The following ELK3 variants were observed in gnomAD, a reference collection of about 807,000 sequenced individuals.
ELK3 encodes the protein ETS transcription factor ELK3, also known as ETS domain-containing protein Elk-3.
A neutral mutation model predicts 28.9 loss-of-function variants in ELK3; 10 were observed. The observed-to-expected ratio is 0.35, with a 90% CI of 0.21 to 0.59. The LOEUF is 0.59. Among genes scored for constraint, ELK3 ranks in the 20% least tolerant of loss-of-function variants. The pLI is 0.82. For synonymous variants in ELK3, 272 were observed against 243.5 expected (o/e 1.12, Z -1.09); for missense variants, 463 against 517.3 (o/e 0.90, Z 1.02).
intron 2 of ELK3, among the ~76,000 whole-genome samples, chr12:96,239,416 A>G (rs1419131859): frequency 1.3e-5 from 2 of 152,190 alleles, no homozygotes; most frequent in East Asian, 3.9e-4. Flanking sequence ...GGCTCTCCCA[A>G]TATTTAACCT....
intron 3 of ELK3, among the ~76,000 whole-genome samples, chr12:96,253,709 G>A (rs4762291): frequency 0.45 from 68,639 of 152,024 alleles, 16,727 homozygotes; most frequent in Middle Eastern, 0.61. Flanking sequence ...TACTTTCTTA[G>A]AGACTGAGTG....
chr12:96,221,214 A>G (rs1951659254), intron 1 of ELK3, among the ~76,000 whole-genome samples: 1 of 152,232 alleles, frequency 6.6e-6, no homozygotes, highest in Admixed American at 6.5e-5. Flanking sequence ...CTCATAAGTC[A>G]TGCCCAGAAC....
intron 3 of ELK3, 107 bp from the exon 4 acceptor site, chr12:96,259,624 G>T: frequency 7.7e-7 from 1 of 1,299,604 alleles, no homozygotes; most frequent in East Asian, 2.5e-5. Flanking sequence ...TGGTAAGGTC[G>T]TTTCCTGGCC....
chr12:96,208,979 C>T lies in ELK3; in HGVS notation c.-3+14274C>T, dbSNP rs577760702. Among the ~76,000 whole-genome samples the T allele has an allele frequency of 2.0e-5, 3 of 152,334 alleles. No homozygotes were observed. The East Asian group carries it at 5.8e-4, about 29-fold the overall frequency. On this transcript the variant is annotated intron_variant, in intron 1 of 4. Coordinates refer to ENST00000228741, the MANE Select transcript of ELK3 (RefSeq NM_005230.4). ...ACAGCTGTGCAGACTTCCCGGTCCCCAGGATCCCTTGGGGATCCTTCTGAG... is the reference window on the plus strand; with the variant it reads ...ACAGCTGTGCAGACTTCCCGGTCCCTAGGATCCCTTGGGGATCCTTCTGAG...
intron 4 of ELK3, among the ~76,000 whole-genome samples, chr12:96,263,022 A>C (rs1296068871): frequency 6.6e-6 from 1 of 152,168 alleles, no homozygotes; most frequent in African/African-American, 2.4e-5. Context: ...TACGCTATAG[A>C]TGTAATGAAG....
chr12:96,245,163 TG>T (rs1252271254), intron 2 of ELK3, among the ~76,000 whole-genome samples: 7 of 152,188 alleles, frequency 4.6e-5, no homozygotes, highest in Non-Finnish European at 1.5e-5. Context: ...GACCCTTAAA[TG>T]TGCCCTTCGC....
At position 96,262,017 on chromosome 12, in the gene ELK3, CTT is replaced by C. The variant is rs57348208; in HGVS notation, c.1125+2182_1125+2183del. The stretch of plus-strand genomic sequence containing the variant: ...GGTCTGGGATAGGGCCTGATAAAAA[CTT>C]TTTTTTTTTTTTTTTTTGAGACAGA... On this transcript the variant is annotated intron_variant, in intron 4 of 4. Coordinates refer to ENST00000228741, the MANE Select transcript of ELK3 (RefSeq NM_005230.4). Among the ~76,000 whole-genome samples, 637 of 115,606 alleles carry C rather than the reference CTT, an allele frequency of 5.5e-3. 1 individual carries two copies. Among genetic ancestry groups the C allele is most frequent in the African/African-American group, 0.011 (353 of 31,448 alleles). 75.8% of individuals were successfully genotyped at this position (115,606 alleles called of 152,430 possible). A position where few individuals can be genotyped will look rare whatever the true frequency, so the allele number is the denominator to read the frequency against.
intron 1 of ELK3, among the ~76,000 whole-genome samples, chr12:96,212,435 C>T (rs1348444473): frequency 6.6e-6 from 1 of 152,204 alleles, no homozygotes. Flanking sequence ...TAGGGACTGC[C>T]TCAGGTTGTA....
chr12:96,207,510 A>T (rs1457697390), intron 1 of ELK3, among the ~76,000 whole-genome samples: 3 of 152,382 alleles, frequency 2.0e-5, no homozygotes, highest in African/African-American at 7.2e-5. Flanking sequence ...AGATTTATGT[A>T]TAAATGTTTA....
chr12:96,241,423 C>T (rs952140019), intron 2 of ELK3, among the ~76,000 whole-genome samples: 8 of 103,720 alleles, frequency 7.7e-5, no homozygotes, highest in African/African-American at 2.7e-4. Flanking sequence ...CACAGTGGAG[C>T]GTTTGTGTGT....
intron 3 of ELK3, 60 bp from the exon 4 acceptor site, chr12:96,259,668 CTGT>C: frequency 6.5e-7 from 1 of 1,545,356 alleles, no homozygotes; most frequent in Non-Finnish European, 8.8e-7. Flanking sequence ...CTCTGCTGCT[CTGT>C]TGATCATGGC....
intron 1 of ELK3, among the ~76,000 whole-genome samples, chr12:96,214,774 C>A (rs1452538182): frequency 6.6e-6 from 1 of 151,980 alleles, no homozygotes; most frequent in Non-Finnish European, 1.5e-5. Flanking sequence ...TAATACCTTA[C>A]ACTTACTCTG....
chr12:96,251,094 C>G (rs1951901857), intron 3 of ELK3, among the ~76,000 whole-genome samples: 1 of 152,218 alleles, frequency 6.6e-6, no homozygotes, highest in South Asian at 2.1e-4. Context: ...CCAGTCTGTT[C>G]TTCCAACAGC....
intron 1 of ELK3, among the ~76,000 whole-genome samples, chr12:96,202,568 C>G (rs940804908): frequency 1.3e-5 from 2 of 148,184 alleles, no homozygotes; most frequent in South Asian, 4.3e-4. Flanking sequence ...AGCCTGTTGC[C>G]CAGGCTGGAG....
chr12:96,214,203 G>T (rs1951594914), intron 1 of ELK3, among the ~76,000 whole-genome samples: 1 of 151,996 alleles, frequency 6.6e-6, no homozygotes, highest in Non-Finnish European at 1.5e-5. Flanking sequence ...GGCCGAGGTG[G>T]GTGGATCACC....
intron 1 of ELK3, among the ~76,000 whole-genome samples, chr12:96,215,964 A>G (rs1951614302): frequency 6.6e-6 from 1 of 152,176 alleles, no homozygotes; most frequent in Non-Finnish European, 1.5e-5. Flanking sequence ...GCATTCTTTA[A>G]GTGCAAAAAG....
intron 4 of ELK3, among the ~76,000 whole-genome samples, chr12:96,265,605 G>T (rs1007442765): frequency 1.4e-4 from 22 of 152,256 alleles, no homozygotes; most frequent in African/African-American, 5.1e-4. Flanking sequence ...AGGATGGCTG[G>T]GAGGTGGAGG....
At chr12:96,202,516 C>T (rs1951513748) in intron 1 of ELK3, among the ~76,000 whole-genome samples, 1 of 143,136 alleles carries the variant, frequency 7.0e-6, no homozygotes, top group Non-Finnish European at 1.5e-5. Flanking sequence ...AGAGCCCTTA[C>T]CACAAGCTTT....
In ELK3 at chr12:96,231,630, T is replaced by C. The variant is rs142656602; in HGVS notation, c.207+7857T>C. ...GCCTCAGCCTCCCGAGTAGCTGGGA[T>C]TACAGGTGCGTCCCACCATTCCCAG... On this transcript the variant is annotated intron_variant, in intron 2 of 4. Coordinates refer to ENST00000228741, the MANE Select transcript of ELK3 (RefSeq NM_005230.4). 3.6e-4 allele frequency among the ~76,000 whole-genome samples: 55 copies of C among 152,252 alleles called. 1 individual carries two copies. The highest frequency in any genetic ancestry group is 1.2e-3 in the African/African-American group (51 of 41,564).
Sources: allele counts gnomAD v4.1 joint callset (sites outside exome capture counted in the v4.1 genomes callset), GRCh38; gene constraint gnomAD v4.1.1; transcripts MANE v1.5; gene names NCBI Gene and HGNC (gene_info 2026-07-23, HGNC 2026-07-21).